Variants in PDE4D observed in about 807,000 individuals in gnomAD.
The protein encoded by PDE4D is 3',5'-cyclic-AMP phosphodiesterase 4D.
Under a neutral mutation model 87.4 loss-of-function variants are expected in PDE4D, and 24 were observed. That is an observed-to-expected ratio of 0.27 (90% CI 0.20 to 0.39). PDE4D has a LOEUF of 0.39. PDE4D is among the 10% of genes least tolerant of loss of function. The pLI is 1.00. For missense variants in PDE4D, 714 were observed against 1,041.0 expected (o/e 0.69, Z 4.32); for synonymous variants, 384 against 383.2 (o/e 1.00, Z -0.02).
At chr5:59,236,452 G>A (rs1442655913) in intron 1 of PDE4D, among the ~76,000 whole-genome samples, 2 of 152,184 alleles carry the variant, frequency 1.3e-5, no homozygotes, top group African/African-American at 4.8e-5. Flanking sequence ...GATACTCTGA[G>A]TCGGTAAAGC....
chr5:60,232,257 G>A (rs1302446836), intron 1 of PDE4D, among the ~76,000 whole-genome samples: 1 of 151,936 alleles, frequency 6.6e-6, no homozygotes, highest in African/African-American at 2.4e-5. Context: ...AACAGCAGCA[G>A]ATATTAAGCA....
intron 2 of PDE4D, among the ~76,000 whole-genome samples, chr5:59,194,118 G>A (rs1744930052): frequency 6.6e-6 from 1 of 152,190 alleles, no homozygotes; most frequent in Admixed American, 6.5e-5. Flanking sequence ...TGCTGTTGCT[G>A]CAGCAACCCC....
At chr5:60,422,854 A>G (rs1299509541) in intron 1 of PDE4D, among the ~76,000 whole-genome samples, 1 of 152,234 alleles carries the variant, frequency 6.6e-6, no homozygotes, top group African/African-American at 2.4e-5. Flanking sequence ...AAGAAGATCT[A>G]CCAAGCAAAT....
At chr5:59,751,976 C>T (rs758858223) in intron 1 of PDE4D, among the ~76,000 whole-genome samples, 41 of 152,192 alleles carry the variant, frequency 2.7e-4, no homozygotes, top group Non-Finnish European at 5.1e-4. Flanking sequence ...TGGGACTTCT[C>T]TGTGACTATT....
intron 1 of PDE4D, among the ~76,000 whole-genome samples, chr5:59,340,731 A>G (rs935686679): frequency 6.6e-6 from 1 of 152,066 alleles, no homozygotes; most frequent in Admixed American, 6.6e-5. Context: ...CTCTATCTCC[A>G]TGAGATCAAT....
At chr5:59,598,573 C>G (rs930168452) in intron 1 of PDE4D, among the ~76,000 whole-genome samples, 1 of 152,120 alleles carries the variant, frequency 6.6e-6, no homozygotes. Flanking sequence ...TGAGATGAGG[C>G]TGCTGCCTGT....
intron 3 of PDE4D, among the ~76,000 whole-genome samples, chr5:59,939,236 T>A (rs1756925270): frequency 6.6e-6 from 1 of 152,218 alleles, no homozygotes; most frequent in Non-Finnish European, 1.5e-5. Context: ...TGTGTGTGTG[T>A]AGTAAGGAGT....
At chr5:60,305,296 T>C (rs1754390511) in intron 1 of PDE4D, among the ~76,000 whole-genome samples, 1 of 151,990 alleles carries the variant, frequency 6.6e-6, no homozygotes, top group African/African-American at 2.4e-5. Flanking sequence ...GAGAGAGAAT[T>C]TTTTTAAAGG....
At chr5:59,866,119 T>C (rs2152732367) in intron 1 of PDE4D, among the ~76,000 whole-genome samples, 1 of 152,338 alleles carries the variant, frequency 6.6e-6, no homozygotes. Context: ...TTCTCAATCA[T>C]TTGTGTCTTG....
intron 1 of PDE4D, among the ~76,000 whole-genome samples, chr5:59,606,056 CAT>C (rs1386500405): frequency 6.6e-6 from 1 of 151,876 alleles, no homozygotes; most frequent in African/African-American, 2.4e-5. Flanking sequence ...TAGATGCAGA[CAT>C]ATATAGATAT....
At chr5:59,404,554 G>C (rs753550047) in intron 1 of PDE4D, among the ~76,000 whole-genome samples, 38 of 152,016 alleles carry the variant, frequency 2.5e-4, no homozygotes, top group Admixed American at 3.9e-4. Context: ...AGCTACTCAG[G>C]AGGCTGAGGC....
At chr5:59,226,616 T>G (rs1753826280) in intron 1 of PDE4D, among the ~76,000 whole-genome samples, 1 of 152,158 alleles carries the variant, frequency 6.6e-6, no homozygotes, top group Admixed American at 6.6e-5. Flanking sequence ...ACACTTAAAA[T>G]GTAAGAGGGT....
intron 1 of PDE4D, chr5:59,768,229 G>C (rs1374685832): frequency 6.3e-7 from 1 of 1,596,054 alleles, no homozygotes; most frequent in Non-Finnish European, 8.5e-7. Flanking sequence ...ATTTCTGCGA[G>C]GTCTGCGCAA....
intron 1 of PDE4D, among the ~76,000 whole-genome samples, chr5:59,561,375 A>G (rs538633321): frequency 3.3e-5 from 5 of 152,308 alleles, no homozygotes; most frequent in African/African-American, 1.2e-4. Flanking sequence ...TCTGATTTGT[A>G]ATTTGCTCAA....
chr5:59,940,617 G>A (rs1757076515), intron 3 of PDE4D, among the ~76,000 whole-genome samples: 1 of 152,178 alleles, frequency 6.6e-6, no homozygotes, highest in African/African-American at 2.4e-5. Flanking sequence ...GGGAGATAGA[G>A]GGAGTTAATT....
chr5:59,959,951 A>G (rs1009032312), intron 3 of PDE4D, among the ~76,000 whole-genome samples: 1 of 152,222 alleles, frequency 6.6e-6, no homozygotes, highest in Non-Finnish European at 1.5e-5. Flanking sequence ...TATGCATTCA[A>G]CAAAAGCCTA....
intron 5 of PDE4D, among the ~76,000 whole-genome samples, chr5:59,096,400 C>T (rs1340201236): frequency 6.6e-6 from 1 of 152,072 alleles, no homozygotes; most frequent in African/African-American, 2.4e-5. Flanking sequence ...TTTTAGTGGG[C>T]AATTGGTTGT....
At chr5:60,468,190 G>T (rs971995252) in intron 1 of PDE4D, among the ~76,000 whole-genome samples, 1 of 145,968 alleles carries the variant, frequency 6.9e-6, no homozygotes, top group Non-Finnish European at 1.5e-5. Context: ...CCAGGCTGGA[G>T]TGCAATGGTA....
chr5:60,327,833 G>A (rs368397028), intron 1 of PDE4D, among the ~76,000 whole-genome samples: 64 of 150,486 alleles, frequency 4.3e-4, no homozygotes, highest in African/African-American at 9.2e-4. Context: ...GATGAGTATC[G>A]CAAACATTTA....
Sources: gnomAD v4.1 joint callset for allele counts (sites outside exome capture counted in the v4.1 genomes callset) on GRCh38, gnomAD v4.1.1 for gene constraint, MANE v1.5 for transcripts, NCBI Gene and HGNC (gene_info 2026-07-23, HGNC 2026-07-21) for gene names.